KCNH3: variants seen among roughly 807,000 people sequenced by gnomAD.
The protein encoded by KCNH3 is voltage-gated inwardly rectifying potassium channel KCNH3.
A neutral mutation model predicts 95.6 loss-of-function variants in KCNH3; 36 were observed. The observed-to-expected ratio is 0.38, with a 90% CI of 0.29 to 0.50. KCNH3 has a LOEUF of 0.50. Ranked by LOEUF, KCNH3 falls within the 20% of genes least tolerant of loss-of-function variation. The probability of loss-of-function intolerance (pLI) is 0.95; values close to 1 mark genes in which losing one functional copy is unlikely to be tolerated. For missense variants in KCNH3, 1,030 were observed against 1,484.1 expected (o/e 0.69, Z 5.03); for synonymous variants, 620 against 646.3 (o/e 0.96, Z 0.62).
chr12:49,549,224 G>T, intron 8 of KCNH3, 51 bp downstream of exon 8: 4 of 1,530,644 alleles, frequency 2.6e-6, no homozygotes, highest in Non-Finnish European at 3.5e-6. Flanking sequence ...ACTTCTGCCC[G>T]CAGGCGGCGC....
In KCNH3 at chr12:49,540,981, G is replaced by C; in HGVS notation, c.159G>C (p.Thr53=). Residue 53 remains threonine, a synonymous_variant, in exon 2 of 15, where the codon ACG becomes ACC. Coordinates refer to ENST00000257981, the MANE Select transcript of KCNH3 (RefSeq NM_012284.3). ...GCTCTGATGGCTTCTGTGACCTCAC[G>C]GGCTTCTCCCGGGCTGAGGTCATGC... ...VYCSDGFCDL[T]GFSRAEVMQR... is the part of the protein sequence containing the mutation. 1 of 1,614,132 alleles carries C rather than the reference G, an allele frequency of 6.2e-7. No individual in the cohort carries two copies. The highest frequency in any genetic ancestry group is 8.5e-7 in the Non-Finnish European group (1 of 1,180,014).
chr12:49,553,043 C>A (rs557396292), intron 10 of KCNH3, among the ~76,000 whole-genome samples: 1 of 152,318 alleles, frequency 6.6e-6, no homozygotes, highest in South Asian at 2.1e-4. Context: ...TTTTGAAACA[C>A]TTTCTAACAG....
At chr12:49,554,581 G>T in intron 11 of KCNH3, 27 bp downstream of exon 11, 1 of 1,580,702 alleles carries the variant, frequency 6.3e-7, no homozygotes. Context: ...TGTGCTTGGA[G>T]GGGATGGGGG....
chr12:49,553,477 A>G (rs1425111714), intron 10 of KCNH3, among the ~76,000 whole-genome samples: 1 of 152,162 alleles, frequency 6.6e-6, no homozygotes, highest in Non-Finnish European at 1.5e-5. Flanking sequence ...GAAAGGAAGA[A>G]AATGATTTCT....
chr12:49,541,231 TC>T, intron 2 of KCNH3, 99 bp downstream of exon 2: 1 of 875,052 alleles, frequency 1.1e-6, no homozygotes, highest in Non-Finnish European at 1.8e-6. Context: ...TGCCATCTTC[TC>T]CATCTCCCCA....
chr12:49,547,621 G>C (rs1429790841), intron 7 of KCNH3, among the ~76,000 whole-genome samples: 7 of 152,234 alleles, frequency 4.6e-5, no homozygotes, highest in African/African-American at 1.7e-4. Context: ...GGGGCCCCCA[G>C]CTCCTGGCAC....
At chr12:49,544,142 C>CCCCG in intron 6 of KCNH3, 33 bp from the exon 7 acceptor site, 2 of 1,014,528 alleles carry the variant, frequency 2.0e-6, no homozygotes, top group Non-Finnish European at 3.0e-6. Context: ...CCGCTGACCT[C>CCCCG]CCTCCCTCCC....
intron 7 of KCNH3, among the ~76,000 whole-genome samples, chr12:49,547,290 C>T (rs928484163): frequency 1.3e-4 from 20 of 152,238 alleles, no homozygotes; most frequent in African/African-American, 4.6e-4. Context: ...ATTCCTTAGC[C>T]TGGAATGTAA....
rs1022696144 is a variant in KCNH3, at chr12:49,552,781, C to CGT, written c.1919-1554_1919-1553dup. On this transcript the variant is annotated intron_variant, in intron 10 of 14. Coordinates refer to ENST00000257981, the MANE Select transcript of KCNH3 (RefSeq NM_012284.3). ...ACCTCTTAGATGAAGACAAGAAGCACGTGCTTATTCTATTTCAGATGACGC... is the reference window on the plus strand; with the variant it reads ...ACCTCTTAGATGAAGACAAGAAGCACGTGTGCTTATTCTATTTCAGATGACGC... Among the ~76,000 whole-genome samples the CGT allele has an allele frequency of 1.2e-3, 189 of 152,296 alleles. 1 individual carries two copies. Among genetic ancestry groups the CGT allele is most frequent in the Admixed American group, 0.012 (189 of 15,290 alleles).
rs768498939 is a variant in KCNH3, at chr12:49,539,388, G to A, written c.-29G>A. ...GCGCGGAGTCCCCGCACCCCGGAGG[G>A]ATGGGGCGGGCAGCCGCGGGCGCCT... On this transcript the variant is annotated 5_prime_UTR_variant, in exon 1 of 15. Transcript: ENST00000257981. The surrounding 1 kb of genome is among the most constrained non-coding windows in gnomAD (Gnocchi z 6.7). 1 of 1,504,334 alleles carries A rather than the reference G, an allele frequency of 6.6e-7. No individual in the cohort carries two copies. Among genetic ancestry groups the A allele is most frequent in the South Asian group, 1.2e-5 (1 of 80,430 alleles). The allele number at this position is 1,504,334 out of a possible 1,614,324, so 93.2% of individuals were successfully genotyped here. A position where few individuals can be genotyped will look rare whatever the true frequency, so the allele number is the denominator to read the frequency against.
intron 7 of KCNH3, among the ~76,000 whole-genome samples, chr12:49,544,653 T>C (rs1348284515): frequency 1.3e-5 from 2 of 152,076 alleles, no homozygotes; most frequent in African/African-American, 4.8e-5. Context: ...CTTAAACCCC[T>C]GCCCCGTTGG....
At chr12:49,541,535 C>T in intron 2 of KCNH3, 95 bp from the exon 3 acceptor site, 2 of 1,447,760 alleles carry the variant, frequency 1.4e-6, no homozygotes, top group African/African-American at 2.8e-5. Flanking sequence ...TAGATCCTGC[C>T]TGTGTCTTGC....
chr12:49,542,261 C>G (rs367890063), intron 3 of KCNH3, among the ~76,000 whole-genome samples: 2 of 152,214 alleles, frequency 1.3e-5, no homozygotes, highest in African/African-American at 4.8e-5. Context: ...CACTCCCACT[C>G]GCGTACTCCC....
At chr12:49,548,357 T>C (rs1938139116) in intron 7 of KCNH3, among the ~76,000 whole-genome samples, 1 of 151,954 alleles carries the variant, frequency 6.6e-6, no homozygotes. Flanking sequence ...CTTAACAGTG[T>C]GTGTGCATGT....
intron 7 of KCNH3, among the ~76,000 whole-genome samples, chr12:49,546,448 G>T (rs941307637): frequency 2.0e-5 from 3 of 152,004 alleles, no homozygotes; most frequent in East Asian, 1.9e-4. Flanking sequence ...AGGCTGAGGT[G>T]GGGGGGTGGG....
At position 49,557,177 on chromosome 12, in the gene KCNH3, CCA is replaced by C; in HGVS notation, c.2576-3_2576-2del. 1 of 1,613,940 alleles carries C rather than the reference CCA, an allele frequency of 6.2e-7. No homozygotes were observed. The highest frequency in any genetic ancestry group is 8.5e-7 in the Non-Finnish European group (1 of 1,179,932). On this transcript the variant is annotated splice_polypyrimidine_tract_variant and splice_region_variant and intron_variant, in intron 13 of 14. Coordinates refer to ENST00000257981, the MANE Select transcript of KCNH3 (RefSeq NM_012284.3). ...CCAGCTGATAACCCCATCCTACTAC[CCA>C]CAGAGAGCGGCCTGCTCACTGTTCC...
chr12:49,555,598 C>T, intron 11 of KCNH3, 22 bp from the exon 12 acceptor site: 1 of 1,473,596 alleles, frequency 6.8e-7, no homozygotes, highest in East Asian at 2.3e-5. Context: ...CATGCCGATT[C>T]CCTGTCCCTC....
chr12:49,556,404 G>A lies in KCNH3; in HGVS notation c.2503G>A (p.Asp835Asn). The A allele has an allele frequency of 6.2e-7, 1 of 1,614,038 alleles. No homozygotes were observed. Among genetic ancestry groups the A allele is most frequent in the Non-Finnish European group, 8.5e-7 (1 of 1,179,932 alleles). ...TGGCATTGAAGACGGCTGTGGCTCG[G>A]ACCAGCCCAAGTTCTCTTTCCGCGT... The part of the protein sequence containing the change: ...VDGIEDGCGS[D>N]QPKFSFRVGQ... The change falls in exon 13 of 15, where the codon GAC becomes AAC. Residue 835 changes from aspartate (D) to asparagine (N), a missense_variant. Physicochemically the swap from Asp to Asn is conservative, Grantham distance 23. Coordinates refer to ENST00000257981, the MANE Select transcript of KCNH3 (RefSeq NM_012284.3).
At chr12:49,550,009 G>A (rs1938203549) in intron 9 of KCNH3, 71 bp from the exon 10 acceptor site, 3 of 1,473,896 alleles carry the variant, frequency 2.0e-6, no homozygotes, top group Admixed American at 2.0e-5. Flanking sequence ...AGGGTGGAGA[G>A]GGGCTGGCTG....
Sources: gnomAD v4.1 joint callset for allele counts (sites outside exome capture counted in the v4.1 genomes callset) on GRCh38, gnomAD v4.1.1 for gene constraint, Gnocchi (gnomAD v3.1) non-coding constraint, MANE v1.5 for transcripts, NCBI Gene and HGNC (gene_info 2026-07-23, HGNC 2026-07-21) for gene names.